KLHL13: variants seen among roughly 807,000 people sequenced by gnomAD.
The protein encoded by KLHL13 is kelch-like protein 13.
In KLHL13, 10 loss-of-function variants were observed where a neutral mutation model predicts 37.1. The observed-to-expected ratio is 0.27, with a 90% CI of 0.17 to 0.46. KLHL13 has a LOEUF of 0.46. KLHL13 is among the 20% of genes least tolerant of loss of function. The probability of loss-of-function intolerance (pLI) is 1.00; values close to 1 mark genes in which losing one functional copy is unlikely to be tolerated. For missense variants in KLHL13, 360 were observed against 509.3 expected (o/e 0.71, Z 2.82); for synonymous variants, 163 against 181.2 (o/e 0.90, Z 0.81).
chrX:118,076,920 T>C (rs765572260), intron 1 of KLHL13, among the ~76,000 whole-genome samples: 1 of 108,428 alleles, frequency 9.2e-6, no homozygotes, highest in African/African-American at 3.4e-5. Context: ...TCTCTCTCTC[T>C]CCCTCTCTCC....
At chrX:118,060,866 A>C (rs1361530582) in intron 1 of KLHL13, among the ~76,000 whole-genome samples, 3 of 111,750 alleles carry the variant, frequency 2.7e-5, no homozygotes, top group African/African-American at 9.8e-5. Flanking sequence ...ATGTCAGCAC[A>C]GTTGGGTTCT....
chrX:117,907,513 C>G (rs1602532178), intron 5 of KLHL13, among the ~76,000 whole-genome samples: 1 of 111,370 alleles, frequency 9.0e-6, no homozygotes, highest in Admixed American at 9.6e-5. Context: ...AAAACATTAT[C>G]TTATACAGGG....
chrX:118,014,975 C>T (rs1377137361), intron 1 of KLHL13, among the ~76,000 whole-genome samples: 1 of 112,013 alleles, frequency 8.9e-6, no homozygotes, highest in Non-Finnish European at 1.9e-5. Flanking sequence ...AAACAGTAAG[C>T]GCTTCCATTT....
chrX:117,930,582 C>T (rs1466102931), intron 2 of KLHL13, among the ~76,000 whole-genome samples: 1 of 111,520 alleles, frequency 9.0e-6, no homozygotes, highest in African/African-American at 3.3e-5. Context: ...TCTATCACTT[C>T]GACACTAGCA....
intron 1 of KLHL13, among the ~76,000 whole-genome samples, chrX:118,072,208 T>G (rs932797837): frequency 3.6e-5 from 4 of 110,525 alleles, no homozygotes; most frequent in African/African-American, 1.3e-4. Flanking sequence ...TTGACAAACC[T>G]GAGAAAAACA....
chrX:118,034,070 G>T (rs1429890790), intron 1 of KLHL13, among the ~76,000 whole-genome samples: 3 of 101,935 alleles, frequency 2.9e-5, no homozygotes, highest in Non-Finnish European at 5.9e-5. Context: ...ACCCAATACA[G>T]GAGCACCCAG....
intron 2 of KLHL13, among the ~76,000 whole-genome samples, chrX:117,929,299 G>T (rs983720710): frequency 9.0e-6 from 1 of 111,723 alleles, no homozygotes; most frequent in African/African-American, 3.3e-5. Context: ...AGAATATTAG[G>T]AGGAGAGCAT....
At chrX:117,909,646 G>A (rs1453620324) in exon 5 of KLHL13, 3 of 1,211,473 alleles carry the variant, frequency 2.5e-6, no homozygotes, top group Middle Eastern at 4.6e-4. Flanking sequence ...GTAACCAAGT[G>A]AGTGGTGTCA....
At chrX:118,011,534 G>A (rs1462217311) in intron 1 of KLHL13, among the ~76,000 whole-genome samples, 4 of 110,814 alleles carry the variant, frequency 3.6e-5, no homozygotes, top group Non-Finnish European at 7.6e-5. Flanking sequence ...AAATTATGTG[G>A]GCCAAATCTA....
At chrX:117,993,953 C>G (rs1341222505) in intron 1 of KLHL13, among the ~76,000 whole-genome samples, 6 of 109,829 alleles carry the variant, frequency 5.5e-5, no homozygotes, top group African/African-American at 2.0e-4. Flanking sequence ...TCAGGCTGGT[C>G]TCGAACTCCC....
upstream of KLHL13, among the ~76,000 whole-genome samples, chrX:117,975,977 T>C (rs776057935): frequency 8.9e-6 from 1 of 112,018 alleles, no homozygotes; most frequent in Admixed American, 9.5e-5. Flanking sequence ...TTTTGTCGAA[T>C]TTCATTGGGC....
rs775315735 is a variant in KLHL13 at position 117,996,295 on chromosome X, TCAGA to T, written c.-55-50724_-55-50721del. Among the ~76,000 whole-genome samples, 12 of 112,080 alleles carry T rather than the reference TCAGA, an allele frequency of 1.1e-4. No individual in the cohort carries two copies. The East Asian group carries it at 3.4e-3, about 31-fold the overall frequency. On this transcript the variant is annotated intron_variant, in intron 1 of 6. Transcript: ENST00000371882. ...TCCTTCTGTAACAGTAGCAGATGATTCAGACAGTTTGCTAAATTTGGTCTTCAAG... is the reference window on the plus strand; with the variant it reads ...TCCTTCTGTAACAGTAGCAGATGATTCAGTTTGCTAAATTTGGTCTTCAAG...
intron 5 of KLHL13, among the ~76,000 whole-genome samples, chrX:117,905,969 G>A (rs982478632): frequency 9.0e-6 from 1 of 111,130 alleles, no homozygotes; most frequent in African/African-American, 3.3e-5. Flanking sequence ...ACAGGCAATA[G>A]TTACTGTGTG....
At chrX:118,004,093 G>A (rs929935077) in intron 1 of KLHL13, among the ~76,000 whole-genome samples, 9 of 111,212 alleles carry the variant, frequency 8.1e-5, no homozygotes, top group African/African-American at 2.9e-4. Context: ...TGAAGGAACT[G>A]GTCAAATAAT....
At chrX:117,904,784 G>A (rs765691238) in intron 5 of KLHL13, among the ~76,000 whole-genome samples, 2 of 111,143 alleles carry the variant, frequency 1.8e-5, no homozygotes, top group African/African-American at 6.5e-5. Context: ...AGATTTAATG[G>A]CCCACAAAGC....
intron 1 of KLHL13, among the ~76,000 whole-genome samples, chrX:118,067,816 A>T (rs777062303): frequency 1.8e-5 from 2 of 111,230 alleles, no homozygotes; most frequent in Non-Finnish European, 3.8e-5. Flanking sequence ...TACCTTCCGA[A>T]GGACCTGCCT....
chrX:117,966,065 TAGG>T (rs2053422739), intron 1 of KLHL13, among the ~76,000 whole-genome samples: 1 of 109,851 alleles, frequency 9.1e-6, no homozygotes, highest in Non-Finnish European at 1.9e-5. Flanking sequence ...GGCAATCAGG[TAGG>T]AGAAGGAAAT....
At chrX:118,053,340 G>A (rs1350672786) in intron 1 of KLHL13, among the ~76,000 whole-genome samples, 2 of 111,681 alleles carry the variant, frequency 1.8e-5, no homozygotes, top group Non-Finnish European at 3.8e-5. Context: ...GTCCTTTGTA[G>A]GAACATGGAT....
chrX:118,005,298 G>T (rs1298602368), intron 1 of KLHL13, among the ~76,000 whole-genome samples: 1 of 111,568 alleles, frequency 9.0e-6, no homozygotes, highest in African/African-American at 3.3e-5. Flanking sequence ...CTGGGACAAA[G>T]ATTTGTGATA....
Sources: gnomAD v4.1 joint callset for allele counts (sites outside exome capture counted in the v4.1 genomes callset) on GRCh38, gnomAD v4.1.1 for gene constraint, MANE v1.5 for transcripts, NCBI Gene and HGNC (gene_info 2026-07-23, HGNC 2026-07-21) for gene names.